CNBD1: variants seen among roughly 807,000 people sequenced by gnomAD.
The protein encoded by CNBD1 is cyclic nucleotide-binding domain-containing protein 1.
A neutral mutation model predicts 54.4 loss-of-function variants in CNBD1; 71 were observed. The ratio of observed to expected loss-of-function variants is 1.30; its 90% CI spans 1.08 to 1.59. The LOEUF (loss-of-function observed/expected upper bound fraction) is 1.59, where lower values mean the gene tolerates loss of function less well. CNBD1 is among the 40% of genes most tolerant of loss of function. CNBD1 has a pLI of 0.00. For missense variants in CNBD1, 659 were observed against 518.0 expected, an observed-to-expected ratio of 1.27 and a Z score of -2.64; for synonymous variants, 182 against 170.7, an observed-to-expected ratio of 1.07 and a Z score of -0.51.
In CNBD1 at chr8:87,351,614, G is replaced by T. The variant is rs554492494; in HGVS notation, c.1043-71G>T. On this transcript the variant is annotated intron_variant, in intron 8 of 10. Transcript: ENST00000518476. The stretch of plus-strand genomic sequence containing the variant: ...TATTGAATTAAATACATTAACTTTT[G>T]TTGCTAAAATATCTAAAATAATTTA... The T allele has an allele frequency of 4.2e-5, 56 of 1,334,802 alleles. No homozygotes were observed. In the African/African-American group the frequency reaches 5.9e-4, roughly 14 times the overall value. The allele number at this position is 1,334,802 out of a possible 1,614,324, so 82.7% of individuals were successfully genotyped here. A position where few individuals can be genotyped will look rare whatever the true frequency, so the allele number is the denominator to read the frequency against.
At chr8:87,414,816 A>G (rs145529555) in intron 2 of CNBD1, among the ~76,000 whole-genome samples, 20 of 152,062 alleles carry the variant, frequency 1.3e-4, no homozygotes, top group Non-Finnish European at 2.5e-4. Flanking sequence ...AGTATACATT[A>G]TTTTTTATGC....
At chr8:87,316,153 G>A (rs1250024443) in intron 8 of CNBD1, among the ~76,000 whole-genome samples, 2 of 151,802 alleles carry the variant, frequency 1.3e-5, no homozygotes, top group South Asian at 2.1e-4. Context: ...AATAAATAAA[G>A]CATAACATAC....
At chr8:86,996,639 A>G (rs1437093483) in intron 4 of CNBD1, among the ~76,000 whole-genome samples, 2 of 152,222 alleles carry the variant, frequency 1.3e-5, no homozygotes, top group African/African-American at 4.8e-5. Context: ...TCTGTCTTAA[A>G]TAGTGATGAA....
chr8:87,161,924 G>T (rs1258310507), intron 4 of CNBD1, among the ~76,000 whole-genome samples: 2 of 151,906 alleles, frequency 1.3e-5, no homozygotes, highest in Admixed American at 6.6e-5. Context: ...TACTTCTTTT[G>T]CATGAATTAG....
intron 4 of CNBD1, among the ~76,000 whole-genome samples, chr8:87,123,942 T>C (rs565866307): frequency 4.7e-4 from 72 of 151,708 alleles, no homozygotes; most frequent in African/African-American, 1.6e-3. Context: ...CCTGAAGAAA[T>C]AGAAAATCTG....
chr8:87,341,522 C>A (rs932575395), intron 8 of CNBD1, among the ~76,000 whole-genome samples: 2 of 152,138 alleles, frequency 1.3e-5, no homozygotes, highest in Non-Finnish European at 2.9e-5. Flanking sequence ...TGGTTTGAAT[C>A]TTTGCCATCT....
chr8:87,123,053 A>C (rs540273082), intron 4 of CNBD1, among the ~76,000 whole-genome samples: 1 of 151,806 alleles, frequency 6.6e-6, no homozygotes, highest in Admixed American at 6.6e-5. Context: ...TACAAACTTT[A>C]GGATTGTATT....
At chr8:87,348,247 C>T (rs1810213736) in intron 8 of CNBD1, among the ~76,000 whole-genome samples, 1 of 151,996 alleles carries the variant, frequency 6.6e-6, no homozygotes, top group South Asian at 2.1e-4. Context: ...CTCTACAGGG[C>T]TATAAATGCT....
chr8:87,339,350 A>C (rs1041178183), intron 8 of CNBD1, among the ~76,000 whole-genome samples: 1 of 152,030 alleles, frequency 6.6e-6, no homozygotes, highest in African/African-American at 2.4e-5. Flanking sequence ...ACAATTTGTC[A>C]GTTACAATTC....
chr8:87,251,339 C>T (rs1292545921), intron 6 of CNBD1, among the ~76,000 whole-genome samples: 3 of 151,996 alleles, frequency 2.0e-5, no homozygotes, highest in African/African-American at 7.2e-5. Flanking sequence ...GTAATCCCAG[C>T]ACTTTGGGAG....
At chr8:87,041,832 G>T (rs759016956) in intron 4 of CNBD1, among the ~76,000 whole-genome samples, 1 of 152,102 alleles carries the variant, frequency 6.6e-6, no homozygotes. Flanking sequence ...TGGGTATTGA[G>T]CAGGAGAGGG....
chr8:86,900,367 T>C (rs976220508), intron 2 of CNBD1, among the ~76,000 whole-genome samples: 3 of 152,194 alleles, frequency 2.0e-5, no homozygotes, highest in Non-Finnish European at 4.4e-5. Flanking sequence ...TTCTCATAAC[T>C]AGATTTTTTC....
intron 2 of CNBD1, among the ~76,000 whole-genome samples, chr8:86,904,191 A>G: frequency 6.6e-6 from 1 of 152,020 alleles, no homozygotes; most frequent in East Asian, 1.9e-4. Flanking sequence ...CCTTCTCTTG[A>G]GGATTTTGTT....
At chr8:87,317,718 G>C (rs933884463) in intron 8 of CNBD1, among the ~76,000 whole-genome samples, 2 of 151,844 alleles carry the variant, frequency 1.3e-5, no homozygotes, top group African/African-American at 4.8e-5. Context: ...GTGTATTCTG[G>C]TATATTGGAT....
intron 5 of CNBD1, among the ~76,000 whole-genome samples, chr8:87,210,787 T>G (rs1814080464): frequency 6.6e-6 from 1 of 152,012 alleles, no homozygotes; most frequent in African/African-American, 2.4e-5. Context: ...GCTACAGGAG[T>G]AGAGCCCTCA....
chr8:86,867,098 A>G (rs1808376305), intron 1 of CNBD1, among the ~76,000 whole-genome samples: 1 of 152,140 alleles, frequency 6.6e-6, no homozygotes, highest in Non-Finnish European at 1.5e-5. Context: ...TACTTATAAG[A>G]ATTAAGTATA....
chr8:87,342,090 G>A lies in CNBD1; in HGVS notation c.1043-9595G>A, dbSNP rs898715260. Among the ~76,000 whole-genome samples, 11 of 152,104 alleles carry A rather than the reference G, an allele frequency of 7.2e-5. No individual in the cohort carries two copies. In the East Asian group the frequency reaches 7.8e-4, roughly 11 times the overall value. The stretch of plus-strand genomic sequence containing the variant: ...AGATCCAGACCATCCTGGCTAACAC[G>A]GCGAAACCCTGTTTCTACTAAAAAT... On this transcript the variant is annotated intron_variant, in intron 8 of 10. Coordinates refer to ENST00000518476, the MANE Select transcript of CNBD1 (RefSeq NM_173538.3).
At chr8:87,179,486 T>C (rs1210988890) in intron 4 of CNBD1, among the ~76,000 whole-genome samples, 1 of 152,166 alleles carries the variant, frequency 6.6e-6, no homozygotes, top group Non-Finnish European at 1.5e-5. Context: ...GAAAACATGG[T>C]TAAATGCCCT....
intron 4 of CNBD1, among the ~76,000 whole-genome samples, chr8:87,040,427 T>TC (rs1354329490): frequency 2.0e-5 from 3 of 149,426 alleles, no homozygotes; most frequent in African/African-American, 4.9e-5. Flanking sequence ...CTTTTTCTTT[T>TC]TTTTTTTTTT....
Sources: gnomAD v4.1 joint callset for allele counts (sites outside exome capture counted in the v4.1 genomes callset) on GRCh38, gnomAD v4.1.1 for gene constraint, MANE v1.5 for transcripts, NCBI Gene and HGNC (gene_info 2026-07-23, HGNC 2026-07-21) for gene names.